Variants in CYP3A7 observed in about 807,000 individuals in gnomAD.
CYP3A7 encodes cytochrome P450 family 3 subfamily A member 7.
Under a neutral mutation model 55.2 loss-of-function variants are expected in CYP3A7, and 45 were observed. The ratio of observed to expected loss-of-function variants is 0.82; its 90% confidence interval spans 0.64 to 1.05. The LOEUF is 1.05. Among genes scored for constraint, CYP3A7 ranks in the 50% least tolerant of loss-of-function variants. CYP3A7 has a pLI of 0.00. For synonymous variants in CYP3A7, 180 were observed against 207.4 expected, an observed-to-expected ratio of 0.87 and a Z score of 1.13; for missense variants, 548 against 605.3, an observed-to-expected ratio of 0.91 and a Z score of 0.99.
intron 4 of CYP3A7, 52 bp downstream of exon 4, chr7:99,720,261 T>C: frequency 6.2e-7 from 1 of 1,602,504 alleles, no homozygotes; most frequent in East Asian, 2.3e-5. Flanking sequence ...AATTTTAAAA[T>C]AAAAATTTAA....
intron 2 of CYP3A7, among the ~76,000 whole-genome samples, chr7:99,724,444 A>T (rs761319170): frequency 5.9e-5 from 9 of 152,082 alleles, no homozygotes; most frequent in Admixed American, 3.9e-4. Flanking sequence ...CTCTGCTCCC[A>T]GTGTGACTCA....
chr7:99,709,413 A>C, intron 10 of CYP3A7, 152 bp from the exon 11 acceptor site: 1 of 1,240,072 alleles, frequency 8.1e-7, no homozygotes, highest in Non-Finnish European at 1.1e-6. Flanking sequence ...AATAACTGTC[A>C]TGCCCTTTGA....
chr7:99,722,921 C>G (rs1415081901), intron 2 of CYP3A7, among the ~76,000 whole-genome samples: 2 of 152,132 alleles, frequency 1.3e-5, no homozygotes, highest in Admixed American at 6.5e-5. Flanking sequence ...ACAAAGTGGA[C>G]TCGCTTTCCA....
intron 11 of CYP3A7, among the ~76,000 whole-genome samples, chr7:99,708,664 G>A (rs1813618621): frequency 6.6e-6 from 1 of 152,118 alleles, no homozygotes; most frequent in East Asian, 1.9e-4. Context: ...TTAGACGCAT[G>A]TTTTTTATTC....
intron 4 of CYP3A7, among the ~76,000 whole-genome samples, chr7:99,718,982 T>C (rs768295266): frequency 1.4e-4 from 22 of 152,302 alleles, no homozygotes; most frequent in Non-Finnish European, 2.9e-4. Context: ...AAACTACAAA[T>C]TGCTAAAAGC....
chr7:99,712,520 T>A (rs548664857), intron 9 of CYP3A7, among the ~76,000 whole-genome samples: 2 of 152,340 alleles, frequency 1.3e-5, no homozygotes, highest in East Asian at 1.9e-4. Flanking sequence ...GCTATATGTG[T>A]CTAGTGATTT....
chr7:99,714,682 T>A lies in CYP3A7; in HGVS notation c.671A>T (p.Lys224Ile), dbSNP rs1487485823. 1.2e-6 allele frequency: 2 copies of A among 1,611,170 alleles called. No homozygotes were observed. Among genetic ancestry groups the A allele is most frequent in the African/African-American group, 2.7e-5 (2 of 74,712 alleles). The change falls in exon 8 of 13, where the codon AAA becomes ATA. Residue 224 changes from lysine (K) to isoleucine (I), a missense_variant and splice_region_variant. Coordinates refer to ENST00000336374, the MANE Select transcript of CYP3A7 (RefSeq NM_000765.5). ...NPLDPFVLSI[K>I]VFPFLTPILE... Reference sequence around the variant, plus strand: ...AATTGGGGTAAGGAATGGAAAGACTTCTGTAGAAAAAAAAAACCAACAGAA... The same window carrying A: ...AATTGGGGTAAGGAATGGAAAGACTACTGTAGAAAAAAAAAACCAACAGAA...
chr7:99,721,955 G>C (rs888265607), intron 3 of CYP3A7, among the ~76,000 whole-genome samples: 1 of 152,156 alleles, frequency 6.6e-6, no homozygotes, highest in East Asian at 1.9e-4. Flanking sequence ...CCCAGCAACT[G>C]CCTGTCCAAC....
intron 9 of CYP3A7, among the ~76,000 whole-genome samples, chr7:99,712,704 ATCTG>A (rs1813802397): frequency 6.6e-6 from 1 of 152,198 alleles, no homozygotes; most frequent in African/African-American, 2.4e-5. Context: ...ACATATTTAA[ATCTG>A]TATGCCAAAG....
intron 11 of CYP3A7, 59 bp downstream of exon 11, chr7:99,708,976 G>T: frequency 6.3e-7 from 1 of 1,580,814 alleles, no homozygotes; most frequent in Non-Finnish European, 8.7e-7. Context: ...CTGTAGAGAG[G>T]CAGAATATGC....
chr7:99,706,588 A>G (rs866882990), intron 12 of CYP3A7, among the ~76,000 whole-genome samples: 1 of 152,240 alleles, frequency 6.6e-6, no homozygotes, highest in Non-Finnish European at 1.5e-5. Context: ...AATCAATGAC[A>G]TCTGTTCTTT....
intron 10 of CYP3A7, among the ~76,000 whole-genome samples, chr7:99,709,746 G>A (rs1813672513): frequency 1.3e-5 from 2 of 151,128 alleles, no homozygotes; most frequent in Admixed American, 1.3e-4. Context: ...AACAAAAACA[G>A]TTACAAAGCA....
chr7:99,713,418 C>T (rs748022481), intron 9 of CYP3A7, 51 bp downstream of exon 9: 6 of 1,610,828 alleles, frequency 3.7e-6, no homozygotes, highest in South Asian at 3.3e-5. Context: ...CAGAACAAAA[C>T]CTTCCCTCTG....
chr7:99,714,549 T>C lies in CYP3A7; in HGVS notation c.798+6A>G. ...ACATCCTCCTATAACTACCACCACGTTTTACCTTTTGTGTCTCTTTGAGGC... is the reference window on the plus strand; with the variant it reads ...ACATCCTCCTATAACTACCACCACGCTTTACCTTTTGTGTCTCTTTGAGGC... On this transcript the variant is annotated splice_donor_region_variant and intron_variant, in intron 8 of 12. Transcript: ENST00000336374. The C allele has an allele frequency of 6.2e-7, 1 of 1,612,292 alleles. No homozygotes were observed. Among genetic ancestry groups the C allele is most frequent in the Admixed American group, 1.7e-5 (1 of 59,948 alleles).
intron 9 of CYP3A7, among the ~76,000 whole-genome samples, chr7:99,712,143 T>A (rs377597724): frequency 1.4e-4 from 22 of 152,278 alleles, no homozygotes; most frequent in African/African-American, 5.3e-4. Flanking sequence ...TGATCAGGAC[T>A]GGATTAGGAC....
At chr7:99,733,340 G>T (rs1222858718) in intron 1 of CYP3A7, among the ~76,000 whole-genome samples, 1 of 152,188 alleles carries the variant, frequency 6.6e-6, no homozygotes, top group Non-Finnish European at 1.5e-5. Flanking sequence ...ATGATTCCAC[G>T]TCAAGGCAGA....
chr7:99,726,693 C>T (rs1376492547), intron 2 of CYP3A7, among the ~76,000 whole-genome samples: 1 of 152,162 alleles, frequency 6.6e-6, no homozygotes, highest in East Asian at 1.9e-4. Context: ...ACTTTCTTCC[C>T]ATCCCTCTGC....
In CYP3A7 at chr7:99,713,657, G is replaced by A. The variant is rs868586377; in HGVS notation, c.799-122C>T. ...GCCCCTTGGAGACCAGAAATCTGAT[G>A]GGTGTTGCCTGAGTCACCAGTGAAA... On this transcript the variant is annotated intron_variant, in intron 8 of 12. Transcript: ENST00000336374. The A allele has an allele frequency of 3.8e-4, 503 of 1,334,028 alleles. 3 individuals are homozygous for A. The Middle Eastern group carries it at 4.8e-3, about 13-fold the overall frequency. The allele number at this position is 1,334,028 out of a possible 1,614,324, so 82.6% of individuals were successfully genotyped here.
intron 12 of CYP3A7, among the ~76,000 whole-genome samples, chr7:99,705,891 C>T (rs1294053151): frequency 4.6e-5 from 7 of 152,094 alleles, no homozygotes; most frequent in East Asian, 3.8e-4. Context: ...TAAATTTTAA[C>T]GAAAATGGAT....
Sources: allele counts gnomAD v4.1 joint callset (sites outside exome capture counted in the v4.1 genomes callset), GRCh38; gene constraint gnomAD v4.1.1; transcripts MANE v1.5; gene names NCBI Gene and HGNC (gene_info 2026-07-23, HGNC 2026-07-21).